PCDHA8: variants seen among roughly 807,000 people sequenced by gnomAD.
The protein encoded by PCDHA8 is protocadherin alpha-8.
In PCDHA8, 53 loss-of-function variants were observed where a neutral mutation model predicts 61.8. The observed-to-expected ratio is 0.86, with a 90% CI of 0.69 to 1.08. PCDHA8 has a LOEUF of 1.08. Ranked by LOEUF, PCDHA8 falls within the 50% of genes least tolerant of loss-of-function variation. The pLI is 0.00. For missense variants in PCDHA8, 1,293 were observed against 1,245.0 expected, an observed-to-expected ratio of 1.04 and a Z score of -0.58; for synonymous variants, 618 against 556.6, an observed-to-expected ratio of 1.11 and a Z score of -1.55.
rs2093299605 is a variant in PCDHA8 at position 140,942,442 on chromosome 5, TA to T, written c.2395-36504del. 4.0e-5 allele frequency among the ~76,000 whole-genome samples: 6 copies of T among 151,626 alleles called. No homozygotes were observed. In the South Asian group the frequency reaches 1.2e-3, roughly 31 times the overall value. ...AAAAAGATATCTAACAATAAACAAG[TA>T]AACTATCAATTATAATACAATCAAA... On this transcript the variant is annotated intron_variant, in intron 1 of 3. Coordinates refer to ENST00000531613, the MANE Select transcript of PCDHA8 (RefSeq NM_018911.3).
intron 1 of PCDHA8, chr5:140,848,940 G>C: frequency 6.2e-7 from 1 of 1,607,456 alleles, no homozygotes; most frequent in Non-Finnish European, 8.5e-7. Context: ...CAGGCCGCTT[G>C]ACTCTCGGTT....
intron 1 of PCDHA8, 119 bp from the exon 2 acceptor site, chr5:140,978,830 C>A: frequency 1.3e-6 from 2 of 1,535,340 alleles, no homozygotes; most frequent in Non-Finnish European, 1.8e-6. Context: ...TGAAATGGCT[C>A]ATTCAATACT....
At chr5:140,899,713 T>G (rs1336302647) in intron 1 of PCDHA8, among the ~76,000 whole-genome samples, 1 of 152,210 alleles carries the variant, frequency 6.6e-6, no homozygotes, top group Non-Finnish European at 1.5e-5. Context: ...TTAGGGAGGA[T>G]TCCCTCTTTT....
At chr5:140,856,784 T>A in intron 1 of PCDHA8, 1 of 1,596,522 alleles carries the variant, frequency 6.3e-7, no homozygotes. Flanking sequence ...CAGACCGGTT[T>A]ATGAAGTTAA....
Position 140,849,786 on chromosome 5 carries a change from G to T in PCDHA8, c.2394+6071G>T, listed in dbSNP as rs2150450039. 3 of 1,598,374 alleles carry T rather than the reference G, an allele frequency of 1.9e-6. No individual in the cohort carries two copies. The African/African-American group carries it at 4.0e-5, about 21-fold the overall frequency. On this transcript the variant is annotated intron_variant, in intron 1 of 3. Coordinates refer to ENST00000531613, the MANE Select transcript of PCDHA8 (RefSeq NM_018911.3). ...GCTGGTGGTTACCGCGCGGGACGGG[G>T]GCTCGCCTTCACTGTGGGCCACGGC...
intron 3 of PCDHA8, among the ~76,000 whole-genome samples, chr5:141,001,247 A>G (rs547699044): frequency 1.3e-5 from 2 of 152,256 alleles, no homozygotes; most frequent in African/African-American, 2.4e-5. Flanking sequence ...AATCAACCCT[A>G]TGGGGCGGGC....
Position 140,877,431 on chromosome 5 carries a change from C to T in PCDHA8, c.2394+33716C>T, listed in dbSNP as rs782442127. 8.1e-6 allele frequency: 13 copies of T among 1,613,836 alleles called. No homozygotes were observed. The Admixed American group carries it at 2.2e-4, about 27-fold the overall frequency. On this transcript the variant is annotated intron_variant, in intron 1 of 3. Transcript: ENST00000531613. ...ACCGCCTGCTGGTGCTGGTGAAGGA[C>T]CACGGTGAGCCCGCGCTGACGTCCA...
At chr5:140,860,726 G>T (rs73263824) in intron 1 of PCDHA8, 23,037 of 152,060 alleles carry the variant, frequency 0.15, 1,806 homozygotes, top group Middle Eastern at 0.2. Context: ...AGTTTTTTTG[G>T]TTTTTTTGTT....
intron 3 of PCDHA8, among the ~76,000 whole-genome samples, chr5:140,991,295 A>G (rs1215731555): frequency 6.6e-6 from 1 of 152,202 alleles, no homozygotes; most frequent in African/African-American, 2.4e-5. Context: ...TTAACACATT[A>G]CTATTATCTT....
intron 1 of PCDHA8, chr5:140,966,850 C>A: frequency 6.4e-7 from 1 of 1,572,900 alleles, no homozygotes; most frequent in Non-Finnish European, 8.6e-7. Flanking sequence ...TACTGCCTCT[C>A]CTGCTGCTGT....
Position 140,978,929 on chromosome 5 carries a change from C to T in PCDHA8, c.2395-20C>T. 6.2e-7 allele frequency: 1 copy of T among 1,613,998 alleles called. No homozygotes were observed. Among genetic ancestry groups the T allele is most frequent in the Non-Finnish European group, 8.5e-7 (1 of 1,179,996 alleles). On this transcript the variant is annotated intron_variant, in intron 1 of 3. Coordinates refer to ENST00000531613, the MANE Select transcript of PCDHA8 (RefSeq NM_018911.3). ...ATTGTCTTGTCATTTTAACAGAAAACTCTCTTTGTGATTTTGCAGCCACGA... is the reference window on the plus strand; with the variant it reads ...ATTGTCTTGTCATTTTAACAGAAAATTCTCTTTGTGATTTTGCAGCCACGA...
intron 1 of PCDHA8, chr5:140,867,891 G>C (rs1468636250): frequency 1.3e-5 from 2 of 152,016 alleles, no homozygotes; most frequent in African/African-American, 4.8e-5. Flanking sequence ...CACAATATCA[G>C]GTACTTACAG....
At chr5:140,882,839 T>C (rs1554175751) in intron 1 of PCDHA8, 1 of 1,614,218 alleles carries the variant, frequency 6.2e-7, no homozygotes, top group South Asian at 1.1e-5. Flanking sequence ...GCAAATGTCT[T>C]CATTATCACT....
chr5:140,860,904 A>ATT (rs369143047), intron 1 of PCDHA8: 1 of 152,182 alleles, frequency 6.6e-6, no homozygotes, highest in African/African-American at 2.4e-5. Context: ...CGCCAGGCTA[A>ATT]TTTTTTGTAT....
chr5:140,965,999 A>T (rs1300275113), intron 1 of PCDHA8, among the ~76,000 whole-genome samples: 1 of 152,140 alleles, frequency 6.6e-6, no homozygotes, highest in Non-Finnish European at 1.5e-5. Context: ...AGTACTTAAG[A>T]GTGTCCAGGG....
intron 1 of PCDHA8, chr5:140,884,140 G>C: frequency 6.2e-7 from 1 of 1,613,412 alleles, no homozygotes; most frequent in Non-Finnish European, 8.5e-7. Context: ...CGTTCCGCGT[G>C]GGGCTGTACA....
Position 140,842,515 on chromosome 5 carries a change from G to A in PCDHA8, c.1194G>A (p.Val398=), listed in dbSNP as rs2150337754. The part of the protein sequence containing the change: ...SLMPHVPFKL[V]STFKNYYSLV... The stretch of plus-strand genomic sequence containing the variant: ...TGCCCCATGTCCCCTTCAAGCTGGT[G>A]TCCACCTTCAAGAATTACTACTCGT... Residue 398 remains valine (V), a synonymous_variant, in exon 1 of 4, where the codon GTG becomes GTA. Coordinates refer to ENST00000531613, the MANE Select transcript of PCDHA8 (RefSeq NM_018911.3). The A allele has an allele frequency of 5.6e-6, 9 of 1,613,534 alleles. No homozygotes were observed. The highest frequency in any genetic ancestry group is 1.7e-6 in the Non-Finnish European group (2 of 1,179,638).
At chr5:140,929,034 C>A in intron 1 of PCDHA8, 4 of 1,614,158 alleles carry the variant, frequency 2.5e-6, no homozygotes, top group Non-Finnish European at 3.4e-6. Flanking sequence ...CAGGCTGTTG[C>A]GCTCAGAGCT....
At chr5:140,931,260 T>G (rs576177407) in intron 1 of PCDHA8, among the ~76,000 whole-genome samples, 1 of 152,156 alleles carries the variant, frequency 6.6e-6, no homozygotes, top group South Asian at 2.1e-4. Context: ...GAAATTTCAC[T>G]ATTTATTTCT....
Sources: gnomAD v4.1 joint callset for allele counts (sites outside exome capture counted in the v4.1 genomes callset) on GRCh38, gnomAD v4.1.1 for gene constraint, MANE v1.5 for transcripts, NCBI Gene and HGNC (gene_info 2026-07-23, HGNC 2026-07-21) for gene names.